TCP1: variants seen among roughly 807,000 people sequenced by gnomAD.
TCP1 encodes the protein T-complex protein 1 subunit alpha.
TCP1 carries 6 observed loss-of-function variants against 54.7 expected under a neutral mutation model. The ratio of observed to expected loss-of-function variants is 0.11; its 90% CI spans 0.06 to 0.22. The LOEUF (loss-of-function observed/expected upper bound fraction) is 0.22. Among genes scored for constraint, TCP1 ranks in the 10% least tolerant of loss-of-function variants. TCP1 has a pLI of 1.00. For missense variants in TCP1, 511 were observed against 678.2 expected (o/e 0.75, Z 2.74); for synonymous variants, 225 against 229.7 (o/e 0.98, Z 0.19).
chr6:159,785,660 C>T, intron 4 of TCP1, 164 bp from the exon 5 acceptor site: 1 of 796,014 alleles, frequency 1.3e-6, no homozygotes, highest in Non-Finnish European at 2.2e-6. Flanking sequence ...CAGATCATGG[C>T]AAGTTTAATC....
rs754776459 is a variant in TCP1 at position 159,785,372 on chromosome 6, AACC to A, written c.488+11_488+13del. 3.1e-6 allele frequency: 5 copies of A among 1,595,698 alleles called. No homozygotes were observed. In the East Asian group the frequency reaches 8.9e-5, roughly 28 times the overall value. ...TTAAAAAGTCTAAATTTTATCTGAC[AACC>A]ACAAGGATACATTCCAATGATTTTG... On this transcript the variant is annotated intron_variant, in intron 5 of 11. Coordinates refer to ENST00000321394, the MANE Select transcript of TCP1 (RefSeq NM_030752.3).
chr6:159,786,053 C>A, intron 3 of TCP1, 56 bp from the exon 4 acceptor site: 1 of 1,385,732 alleles, frequency 7.2e-7, no homozygotes, highest in African/African-American at 1.4e-5. Context: ...ATGTGCAATA[C>A]ATATGGAATG....
Position 159,784,008 on chromosome 6 carries a change from T to C in TCP1, c.730A>G (p.Thr244Ala), listed in dbSNP as rs773472594. 1 of 1,613,630 alleles carries C rather than the reference T, an allele frequency of 6.2e-7. No homozygotes were observed. The highest frequency in any genetic ancestry group is 1.1e-5 in the South Asian group (1 of 91,028). The change falls in exon 7 of 12, where the codon ACA (threonine) becomes GCA (alanine). Residue 244 changes from threonine to alanine, a missense_variant. Physicochemically the swap from Thr to Ala is moderately conservative, Grantham distance 58. Coordinates refer to ENST00000321394, the MANE Select transcript of TCP1 (RefSeq NM_030752.3). ...ACCTGTACACCAAGCTTCATTTTTG[T>C]TTTTTGCAGGCTGAAGTCAAGGCAA... ...IACLDFSLQK[T>A]KMKLGVQVVI...
At chr6:159,789,008 T>G in intron 1 of TCP1, 1 of 182,088 alleles carries the variant, frequency 5.5e-6, no homozygotes. Context: ...CTACTCTTTT[T>G]CTGGTAAATG....
Position 159,779,046 on chromosome 6 carries a change from C to T in TCP1, c.1670G>A (p.Ter557=). 3 of 1,611,486 alleles carry T rather than the reference C, an allele frequency of 1.9e-6. No individual in the cohort carries two copies. Among genetic ancestry groups the T allele is most frequent in the Non-Finnish European group, 1.7e-6 (2 of 1,178,096 alleles). The change falls in exon 12 of 12, where the codon TGA becomes TAA. Residue 557 remains the stop codon, a stop_retained_variant. Coordinates refer to ENST00000321394, the MANE Select transcript of TCP1 (RefSeq NM_030752.3). ...DAVHSGALND[*] The stretch of plus-strand genomic sequence containing the variant: ...GTTATAAATAAAAGGAACATCAGAT[C>T]AATCATTAAGGGCTCCAGAGTGAAC...
At chr6:159,780,878 T>A in intron 8 of TCP1, 57 bp downstream of exon 8, 1 of 1,515,488 alleles carries the variant, frequency 6.6e-7, no homozygotes, top group South Asian at 1.4e-5. Context: ...TAAAAAGACC[T>A]TTGATAGGAT....
intron 3 of TCP1, 140 bp from the exon 4 acceptor site, chr6:159,786,137 G>T: frequency 1.5e-6 from 1 of 645,222 alleles, no homozygotes; most frequent in Non-Finnish European, 2.7e-6. Context: ...AGAAACCTGG[G>T]CGTGAAGGGA....
Position 159,778,674 on chromosome 6 carries a change from G to A in TCP1, c.*371C>T. 1 of 1,614,126 alleles carries A rather than the reference G, an allele frequency of 6.2e-7. No homozygotes were observed. The highest frequency in any genetic ancestry group is 1.1e-5 in the South Asian group (1 of 91,068). ...CCCCCGTTAGGTCAATATTGAAGGAGGGGCTATAGCCTTGGGCCACCCTCT... is the reference window on the plus strand; with the variant it reads ...CCCCCGTTAGGTCAATATTGAAGGAAGGGCTATAGCCTTGGGCCACCCTCT... On this transcript the variant is annotated 3_prime_UTR_variant, in exon 12 of 12. Coordinates refer to ENST00000321394, the MANE Select transcript of TCP1 (RefSeq NM_030752.3).
chr6:159,785,322 C>G, intron 5 of TCP1, 64 bp downstream of exon 5: 2 of 1,233,270 alleles, frequency 1.6e-6, no homozygotes, highest in Non-Finnish European at 2.4e-6. Flanking sequence ...CACATACCAC[C>G]ATGCCCATCT....
chr6:159,789,495 T>C lies in TCP1; in HGVS notation c.-27A>G, dbSNP rs1780798605. 1 of 1,613,490 alleles carries C rather than the reference T, an allele frequency of 6.2e-7. No individual in the cohort carries two copies. Among genetic ancestry groups the C allele is most frequent in the African/African-American group, 1.3e-5 (1 of 74,890 alleles). ...TTGACGGCAGCGATACACGTCGAAT[T>C]CTGCTTACACCGCGGGCAACCAGTA... On this transcript the variant is annotated 5_prime_UTR_variant, in exon 1 of 12. Transcript: ENST00000321394.
chr6:159,788,984 G>A (rs1780775138), intron 1 of TCP1: 1 of 164,694 alleles, frequency 6.1e-6, no homozygotes, highest in African/African-American at 2.4e-5. Context: ...TCATCCGAGG[G>A]CGCGCGGATG....
In TCP1 at chr6:159,780,040, T is replaced by C; in HGVS notation, c.1145A>G (p.Asp382Gly). 1.2e-6 allele frequency: 2 copies of C among 1,614,142 alleles called. No individual in the cohort carries two copies. Among genetic ancestry groups the C allele is most frequent in the Non-Finnish European group, 1.7e-6 (2 of 1,180,020 alleles). The change falls in exon 10 of 12, where the codon GAT (aspartate) becomes GGT (glycine). Residue 382 changes from aspartate (D) to glycine (G), a missense_variant. Asp to Gly is a moderately conservative substitution (Grantham distance 94). Coordinates refer to ENST00000321394, the MANE Select transcript of TCP1 (RefSeq NM_030752.3). ...SASIILRGAN[D>G]FMCDEMERSL... ...GCGCTCCATCTCATCACACATGAAA[T>C]CATTTGCCCCACGTAAGATAATCGA... is the stretch of plus-strand genomic sequence containing the variant.
At chr6:159,783,198 G>C (rs915213712) in intron 7 of TCP1, among the ~76,000 whole-genome samples, 4 of 152,110 alleles carry the variant, frequency 2.6e-5, no homozygotes, top group African/African-American at 9.7e-5. Context: ...AGGCTCTAGA[G>C]CAGAAGGAAA....
In TCP1 at chr6:159,789,536, CGACCGGCG is replaced by C; in HGVS notation, c.-76_-69del. Reference sequence around the variant, plus strand: ...GCAACCAGTATCGCGGCCCCTCGGCCGACCGGCGACCACAGCAGTGGCTGCGACGGCGT... The same window carrying C: ...GCAACCAGTATCGCGGCCCCTCGGCCACCACAGCAGTGGCTGCGACGGCGT... On this transcript the variant is annotated 5_prime_UTR_variant, in exon 1 of 12. Transcript: ENST00000321394. 1 of 1,581,138 alleles carries C rather than the reference CGACCGGCG, an allele frequency of 6.3e-7. No homozygotes were observed. The highest frequency in any genetic ancestry group is 8.6e-7 in the Non-Finnish European group (1 of 1,157,062).
Position 159,779,255 on chromosome 6 carries a change from A to C in TCP1, c.1461T>G (p.Gly487=). Residue 487 remains glycine, a synonymous_variant, in exon 12 of 12, where the codon GGT becomes GGG. Transcript: ENST00000321394. Reference sequence around the variant, plus strand: ...GAGGTTTACCATTGCTCAAATCAAGACCAATCCTGCAATTAAGAAAGAATT... The same window carrying C: ...GAGGTTTACCATTGCTCAAATCAAGCCCAATCCTGCAATTAAGAAAGAATT... ...NPERKNLKWI[G]LDLSNGKPRD... The C allele has an allele frequency of 1.2e-6, 2 of 1,613,050 alleles. No individual in the cohort carries two copies. The highest frequency in any genetic ancestry group is 1.7e-6 in the Non-Finnish European group (2 of 1,179,340).
intron 7 of TCP1, 108 bp from the exon 8 acceptor site, chr6:159,781,218 TTTG>T: frequency 2.0e-6 from 2 of 1,000,668 alleles, no homozygotes; most frequent in South Asian, 2.2e-5. Flanking sequence ...TGTATTATCC[TTTG>T]TTATCTCTGA....
intron 1 of TCP1, 39 bp downstream of exon 1, chr6:159,789,366 C>A (rs764096776): frequency 6.2e-6 from 10 of 1,611,538 alleles, no homozygotes. Flanking sequence ...CTCGGCCCTC[C>A]CCGGCCGCAA....
At chr6:159,786,730 T>G (rs1223052672) in intron 3 of TCP1, among the ~76,000 whole-genome samples, 1 of 152,236 alleles carries the variant, frequency 6.6e-6, no homozygotes, top group Non-Finnish European at 1.5e-5. Context: ...AAGTTTAATC[T>G]AGAAATACAT....
Position 159,789,585 on chromosome 6 carries a change from G to T in TCP1, c.-117C>A. ...GCGACGGCGTGGAGCGTACCCGAGC[G>T]ATGTCCCAGGAGCTACTGGGTAACA... On this transcript the variant is annotated 5_prime_UTR_variant, in exon 1 of 12. Transcript: ENST00000321394. 1 of 1,273,032 alleles carries T rather than the reference G, an allele frequency of 7.9e-7. No individual in the cohort carries two copies. The highest frequency in any genetic ancestry group is 1.1e-6 in the Non-Finnish European group (1 of 895,088). 78.9% of individuals were successfully genotyped at this position (1,273,032 alleles called of 1,614,324 possible). A position where few individuals can be genotyped will look rare whatever the true frequency, so the allele number is the denominator to read the frequency against.
Sources: gnomAD v4.1 joint callset for allele counts (sites outside exome capture counted in the v4.1 genomes callset) on GRCh38, gnomAD v4.1.1 for gene constraint, MANE v1.5 for transcripts, NCBI Gene and HGNC (gene_info 2026-07-23, HGNC 2026-07-21) for gene names.